The following SHANK2 variants were observed in gnomAD, a reference collection of about 807,000 sequenced individuals.
SHANK2 encodes the protein SH3 and multiple ankyrin repeat domains 2.
A neutral mutation model predicts 133.7 loss-of-function variants in SHANK2; 43 were observed. That is an observed-to-expected ratio of 0.32 (90% CI 0.25 to 0.41). The LOEUF (loss-of-function observed/expected upper bound fraction) is 0.41. Ranked by LOEUF, SHANK2 falls within the 10% of genes least tolerant of loss-of-function variation. The pLI, the probability that SHANK2 is intolerant of heterozygous loss-of-function variation, is 1.00. For missense variants in SHANK2, 1,994 were observed against 2,235.8 expected (o/e 0.89, Z 2.18); for synonymous variants, 1,017 against 952.8 (o/e 1.07, Z -1.24).
chr11:70,548,908 G>A (rs1200515254), intron 17 of SHANK2, among the ~76,000 whole-genome samples: 1 of 152,158 alleles, frequency 6.6e-6, no homozygotes, highest in Non-Finnish European at 1.5e-5. Context: ...GCTGCTGCAA[G>A]CCAAGGGGTG....
chr11:70,818,948 G>A (rs968185129), intron 12 of SHANK2, among the ~76,000 whole-genome samples: 1 of 152,270 alleles, frequency 6.6e-6, no homozygotes, highest in African/African-American at 2.4e-5. Context: ...GAGCTTGCCA[G>A]GTGGAGCCCC....
At chr11:70,478,036 G>A (rs112483395) in intron 25 of SHANK2, among the ~76,000 whole-genome samples, 2 of 152,278 alleles carry the variant, frequency 1.3e-5, no homozygotes, top group African/African-American at 2.4e-5. Flanking sequence ...TCACATTCAT[G>A]TAGAAATGTG....
intron 14 of SHANK2, among the ~76,000 whole-genome samples, chr11:70,796,320 G>C (rs966159582): frequency 5.3e-5 from 8 of 152,240 alleles, no homozygotes; most frequent in Admixed American, 3.9e-4. Context: ...AGGATGGAGA[G>C]AGCAGGAAGC....
rs1948173370 is a variant in SHANK2, at chr11:70,806,861, C to G, written c.1663+141G>C. The G allele has an allele frequency of 2.0e-5, 12 of 597,212 alleles. No homozygotes were observed. In the South Asian group the frequency reaches 2.1e-4, roughly 10 times the overall value. The allele number at this position is 597,212 out of a possible 1,614,324, so 37.0% of individuals were successfully genotyped here. On this transcript the variant is annotated intron_variant, in intron 13 of 25. Transcript: ENST00000601538. ...AGGGAAAGGGTCTGGGAACGTCACT[C>G]TGTTCCCCATTCCTGCCCTTCCAGG...
At position 70,889,496 on chromosome 11, in the gene SHANK2, C is replaced by G. The variant is rs529140449; in HGVS notation, c.1174+7005G>C. On this transcript the variant is annotated intron_variant, in intron 11 of 25. Transcript: ENST00000601538. Reference sequence around the variant, plus strand: ...CATCCCTGGGTCCTGAGCAGGCCCACGAAAGATGTGGATGAGCAGAAACGC... The same window carrying G: ...CATCCCTGGGTCCTGAGCAGGCCCAGGAAAGATGTGGATGAGCAGAAACGC... Among the ~76,000 whole-genome samples, 10 of 152,278 alleles carry G rather than the reference C, an allele frequency of 6.6e-5. No individual in the cohort carries two copies. The South Asian group carries it at 2.1e-3, about 32-fold the overall frequency.
At chr11:70,904,561 G>A (rs1555077497) in intron 10 of SHANK2, among the ~76,000 whole-genome samples, 4 of 149,778 alleles carry the variant, frequency 2.7e-5, no homozygotes, top group Non-Finnish European at 5.9e-5. Context: ...AGGCTGGAGT[G>A]CAGTGGTACA....
At position 71,163,624 on chromosome 11, in the gene SHANK2, A is replaced by G. The variant is rs532617157; in HGVS notation, c.-12-16286T>C. Among the ~76,000 whole-genome samples, 509 of 152,320 alleles carry G rather than the reference A, an allele frequency of 3.3e-3. 2 individuals are homozygous for G. The highest frequency in any genetic ancestry group is 5.3e-3 in the Non-Finnish European group (359 of 68,016). The stretch of plus-strand genomic sequence containing the variant: ...GCCTTAGAAGATAAGCTCCTGGTCC[A>G]TCACAGCCAGAAAGAGAGGCAGCTC... On this transcript the variant is annotated intron_variant, in intron 2 of 25. Transcript: ENST00000601538.
chr11:71,237,757 C>A (rs552117593), intron 1 of SHANK2, among the ~76,000 whole-genome samples: 1 of 152,168 alleles, frequency 6.6e-6, no homozygotes, highest in Non-Finnish European at 1.5e-5. Context: ...GTAGAGCCTA[C>A]CCCATCTCCC....
At position 70,830,881 on chromosome 11, in the gene SHANK2, C is replaced by T. The variant is rs967149708; in HGVS notation, c.1175-10199G>A. ...CCTGCTGCACCCACATAGGTTTCCACGCATTGGAGCCCAAATGCCCACAGC... is the reference window on the plus strand; with the variant it reads ...CCTGCTGCACCCACATAGGTTTCCATGCATTGGAGCCCAAATGCCCACAGC... On this transcript the variant is annotated intron_variant, in intron 11 of 25. Transcript: ENST00000601538. This position sits in a 1 kb window ranked among gnomAD's most constrained non-coding sequence, Gnocchi z 4.4. Among the ~76,000 whole-genome samples the T allele has an allele frequency of 1.5e-4, 23 of 152,192 alleles. No individual in the cohort carries two copies. The highest frequency in any genetic ancestry group is 2.0e-4 in the Admixed American group (3 of 15,280).
intron 17 of SHANK2, among the ~76,000 whole-genome samples, chr11:70,657,993 C>T (rs1350301913): frequency 2.6e-5 from 4 of 152,150 alleles, no homozygotes; most frequent in African/African-American, 7.2e-5. Context: ...CAGCAGGCCA[C>T]GTTTCTCTTA....
intron 17 of SHANK2, among the ~76,000 whole-genome samples, chr11:70,618,556 G>T (rs1486878336): frequency 6.6e-6 from 1 of 152,188 alleles, no homozygotes; most frequent in African/African-American, 2.4e-5. Flanking sequence ...CAGGTGATGT[G>T]CATGGCTCGG....
intron 12 of SHANK2, among the ~76,000 whole-genome samples, chr11:70,814,475 A>G (rs868972537): frequency 1.3e-5 from 2 of 152,134 alleles, no homozygotes; most frequent in Non-Finnish European, 2.9e-5. Flanking sequence ...CCTGGCACTG[A>G]CTTGAAGCCC....
At chr11:71,090,293 C>A (rs1951486808) in intron 8 of SHANK2, among the ~76,000 whole-genome samples, 1 of 60,826 alleles carries the variant, frequency 1.6e-5, no homozygotes, top group Non-Finnish European at 3.1e-5. Context: ...GTGTGTGTGT[C>A]CTGCTGCTTC....
intron 21 of SHANK2, among the ~76,000 whole-genome samples, chr11:70,499,572 G>A (rs2059020659): frequency 6.6e-6 from 1 of 152,250 alleles, no homozygotes; most frequent in African/African-American, 2.4e-5. Context: ...GATGAATAGA[G>A]GGCCATTCCC....
chr11:71,177,536 G>A (rs186553275), intron 2 of SHANK2, among the ~76,000 whole-genome samples: 241 of 152,052 alleles, frequency 1.6e-3, no homozygotes, highest in African/African-American at 2.9e-3. Context: ...AAGAGTAATC[G>A]CAGATAAACC....
chr11:70,682,282 C>T (rs117684770), intron 15 of SHANK2, among the ~76,000 whole-genome samples: 325 of 152,320 alleles, frequency 2.1e-3, no homozygotes, highest in Admixed American at 3.7e-3. Context: ...ACTGTCTACA[C>T]GAACCCATGG....
chr11:70,554,658 T>C (rs1429728198), intron 17 of SHANK2, among the ~76,000 whole-genome samples: 3 of 152,134 alleles, frequency 2.0e-5, no homozygotes, highest in South Asian at 2.1e-4. Context: ...AAATCCACAG[T>C]CATCAGAGGG....
chr11:70,669,577 C>T (rs558954792), intron 15 of SHANK2: 1 of 152,768 alleles, frequency 6.5e-6, no homozygotes, highest in East Asian at 1.9e-4. Flanking sequence ...TTTCCACAAC[C>T]AGGCCCTACA....
At chr11:70,755,805 C>T (rs184284204) in intron 14 of SHANK2, among the ~76,000 whole-genome samples, 7 of 152,370 alleles carry the variant, frequency 4.6e-5, no homozygotes, top group East Asian at 3.9e-4. Flanking sequence ...TGGAACGCCG[C>T]GGCTTCCGGA....
Sources: allele counts gnomAD v4.1 joint callset (sites outside exome capture counted in the v4.1 genomes callset), GRCh38; gene constraint gnomAD v4.1.1; non-coding constraint Gnocchi (gnomAD v3.1); transcripts MANE v1.5; gene names NCBI Gene and HGNC (gene_info 2026-07-23, HGNC 2026-07-21).